HECW2: variants seen among roughly 807,000 people sequenced by gnomAD.
HECW2 encodes E3 ubiquitin-protein ligase HECW2.
HECW2 carries 61 observed loss-of-function variants against 175.2 expected under a neutral mutation model. The observed-to-expected ratio is 0.35, with a 90% CI of 0.28 to 0.43. The LOEUF (loss-of-function observed/expected upper bound fraction) is 0.43, where lower values mean the gene tolerates loss of function less well. HECW2 is among the 20% of genes least tolerant of loss of function. HECW2 has a pLI of 1.00. For synonymous variants in HECW2, 671 were observed against 731.0 expected, an observed-to-expected ratio of 0.92 and a Z score of 1.32; for missense variants, 1,524 against 2,000.5, an observed-to-expected ratio of 0.76 and a Z score of 4.54.
At chr2:196,511,533 C>T (rs2125416510) in intron 1 of HECW2, among the ~76,000 whole-genome samples, 1 of 152,340 alleles carries the variant, frequency 6.6e-6, no homozygotes, top group South Asian at 2.1e-4. Context: ...TGCAAATTCA[C>T]TGGTGAAGAA....
chr2:196,508,637 G>A (rs1687846881), intron 1 of HECW2, among the ~76,000 whole-genome samples: 1 of 152,116 alleles, frequency 6.6e-6, no homozygotes. Flanking sequence ...TGTGAAGTAT[G>A]CAAATCACTC....
intron 1 of HECW2, among the ~76,000 whole-genome samples, chr2:196,494,559 T>A (rs1687324327): frequency 6.6e-6 from 1 of 152,188 alleles, no homozygotes; most frequent in Non-Finnish European, 1.5e-5. Context: ...TCCAGCCAAC[T>A]GGGTGGATGG....
At chr2:196,261,367 AGTG>A (rs1317637830) in intron 17 of HECW2, among the ~76,000 whole-genome samples, 4 of 152,234 alleles carry the variant, frequency 2.6e-5, no homozygotes, top group African/African-American at 4.8e-5. Flanking sequence ...CAAATAGAAA[AGTG>A]GTGGTAGAAT....
intron 1 of HECW2, among the ~76,000 whole-genome samples, chr2:196,451,601 A>G (rs536015683): frequency 3.4e-4 from 52 of 152,220 alleles, no homozygotes; most frequent in Admixed American, 2.0e-3. Flanking sequence ...TAAGATAAAC[A>G]GAAATGATTT....
At chr2:196,269,650 AAAT>A (rs1177090244) in intron 17 of HECW2, among the ~76,000 whole-genome samples, 1 of 152,202 alleles carries the variant, frequency 6.6e-6, no homozygotes, top group African/African-American at 2.4e-5. Context: ...TAAGGAGGAA[AAAT>A]AATGATGAGT....
At chr2:196,337,368 G>T (rs1692586517) in intron 3 of HECW2, among the ~76,000 whole-genome samples, 1 of 151,536 alleles carries the variant, frequency 6.6e-6, no homozygotes, top group Non-Finnish European at 1.5e-5. Flanking sequence ...AAGGCAGGTG[G>T]AAGTAAGCAC....
chr2:196,285,759 C>A (rs1173304604), intron 14 of HECW2, among the ~76,000 whole-genome samples: 1 of 152,154 alleles, frequency 6.6e-6, no homozygotes, highest in Non-Finnish European at 1.5e-5. Context: ...GTAAAAAAAT[C>A]GTCATGCTAA....
At chr2:196,360,245 C>A in intron 2 of HECW2, among the ~76,000 whole-genome samples, 1 of 152,140 alleles carries the variant, frequency 6.6e-6, no homozygotes, top group East Asian at 1.9e-4. Context: ...CACATGCCTG[C>A]GCATGTTCAC....
chr2:196,527,179 G>C (rs1205488149), intron 1 of HECW2, among the ~76,000 whole-genome samples: 2 of 152,198 alleles, frequency 1.3e-5, no homozygotes, highest in Non-Finnish European at 2.9e-5. Context: ...ATAATCTCGT[G>C]GTGCGCCGTT....
chr2:196,479,040 A>C lies in HECW2; in HGVS notation c.-35-45582T>G, dbSNP rs1686756395. Among the ~76,000 whole-genome samples the C allele has an allele frequency of 1.3e-5, 2 of 152,210 alleles. 1 individual carries two copies. The highest frequency in any genetic ancestry group is 4.1e-4 in the South Asian group (2 of 4,836). ...GAACAATACAGTAGAGCATCAGCTC[A>C]CTCCACTGGGATGCAAAGTTTCCCT... On this transcript the variant is annotated intron_variant, in intron 1 of 28. Transcript: ENST00000644978.
chr2:196,568,102 T>C (rs1690246187), intron 1 of HECW2, among the ~76,000 whole-genome samples: 1 of 152,192 alleles, frequency 6.6e-6, no homozygotes, highest in Non-Finnish European at 1.5e-5. Context: ...TTGTTCTCTC[T>C]TTATTACCTT....
At chr2:196,277,855 AT>A (rs1011937711) in intron 15 of HECW2, among the ~76,000 whole-genome samples, 9 of 151,538 alleles carry the variant, frequency 5.9e-5, no homozygotes, top group African/African-American at 2.2e-4. Context: ...GGAAACCATC[AT>A]TCTCAGCAAA....
At chr2:196,210,336 T>C (rs546298015) in intron 28 of HECW2, among the ~76,000 whole-genome samples, 2 of 152,174 alleles carry the variant, frequency 1.3e-5, no homozygotes, top group East Asian at 1.9e-4. Context: ...TCACATACTC[T>C]AACATGTTAA....
At chr2:196,226,747 C>G (rs78022320) in intron 22 of HECW2, among the ~76,000 whole-genome samples, 7,992 of 152,234 alleles carry the variant, frequency 0.052, 686 homozygotes, top group African/African-American at 0.18. Context: ...AGTCTCAGAT[C>G]AAGAAAGTTC....
At chr2:196,484,353 T>C (rs889326656) in intron 1 of HECW2, among the ~76,000 whole-genome samples, 2 of 152,220 alleles carry the variant, frequency 1.3e-5, no homozygotes, top group East Asian at 1.9e-4. Context: ...TGCACACTCA[T>C]TAAGTGTTCA....
chr2:196,548,655 C>T (rs1313570954), intron 1 of HECW2, among the ~76,000 whole-genome samples: 1 of 152,158 alleles, frequency 6.6e-6, no homozygotes, highest in Non-Finnish European at 1.5e-5. Flanking sequence ...TGAACTGTTA[C>T]TTTACTGGGA....
intron 2 of HECW2, among the ~76,000 whole-genome samples, chr2:196,405,806 C>T (rs916166512): frequency 1.3e-5 from 2 of 151,966 alleles, no homozygotes; most frequent in African/African-American, 4.8e-5. Context: ...CTGAAATACC[C>T]ACTTCCTCAC....
intron 1 of HECW2, among the ~76,000 whole-genome samples, chr2:196,457,638 C>T (rs1419121442): frequency 6.6e-6 from 1 of 152,162 alleles, no homozygotes; most frequent in Non-Finnish European, 1.5e-5. Context: ...TTATGTAAGT[C>T]AACCACACTG....
intron 3 of HECW2, among the ~76,000 whole-genome samples, chr2:196,337,791 T>C (rs770688325): frequency 1.3e-5 from 2 of 152,032 alleles, no homozygotes; most frequent in Non-Finnish European, 2.9e-5. Flanking sequence ...TGTAAGGACC[T>C]GATATCGGCT....
Sources: gnomAD v4.1 joint callset for allele counts (sites outside exome capture counted in the v4.1 genomes callset) on GRCh38, gnomAD v4.1.1 for gene constraint, MANE v1.5 for transcripts, NCBI Gene and HGNC (gene_info 2026-07-23, HGNC 2026-07-21) for gene names.